The following RFX4 variants were observed in gnomAD, a reference collection of about 807,000 sequenced individuals.
RFX4 encodes regulatory factor X4.
A neutral mutation model predicts 95.0 loss-of-function variants in RFX4; 10 were observed. That is an observed-to-expected ratio of 0.11 (90% CI 0.06 to 0.18). The LOEUF (loss-of-function observed/expected upper bound fraction) is 0.18. RFX4 is among the 10% of genes least tolerant of loss of function. The pLI is 1.00. For missense variants in RFX4, 640 were observed against 922.0 expected, an observed-to-expected ratio of 0.69 and a Z score of 3.96; for synonymous variants, 321 against 340.7, an observed-to-expected ratio of 0.94 and a Z score of 0.64.
chr12:106,711,844 ATC>A, intron 10 of RFX4, among the ~76,000 whole-genome samples: 1 of 152,370 alleles, frequency 6.6e-6, no homozygotes, highest in Non-Finnish European at 1.5e-5. Context: ...TTGTTGTATC[ATC>A]TGAGTTCAAA....
chr12:106,598,328 A>T (rs2039649357), intron 1 of RFX4, among the ~76,000 whole-genome samples: 1 of 152,330 alleles, frequency 6.6e-6, no homozygotes, highest in African/African-American at 2.4e-5. Context: ...TCAAACAATG[A>T]TGAATATGAA....
intron 1 of RFX4, among the ~76,000 whole-genome samples, chr12:106,587,199 G>T (rs1284017512): frequency 1.3e-5 from 2 of 152,204 alleles, no homozygotes; most frequent in Non-Finnish European, 1.5e-5. Context: ...GGGACAGCGC[G>T]CTTTCCTACC....
At position 106,747,581 on chromosome 12, in the gene RFX4, C is replaced by G; in HGVS notation, c.1778C>G (p.Pro593Arg). ...GTCACACACAGGATACCAGTTTATCCCCACAGAGAGGAACATGGGTAGGTA... is the reference window on the plus strand; with the variant it reads ...GTCACACACAGGATACCAGTTTATCGCCACAGAGAGGAACATGGGTAGGTA... ...SSVTHRIPVY[P>R]HREEHGYTGS... The change falls in exon 16 of 18, where the codon CCC becomes CGC. Residue 593 changes from proline (P) to arginine (R), a missense_variant. Pro to Arg is a moderately radical substitution (Grantham distance 103). Coordinates refer to ENST00000392842, the MANE Select transcript of RFX4 (RefSeq NM_213594.3). 1 of 1,613,770 alleles carries G rather than the reference C, an allele frequency of 6.2e-7. No homozygotes were observed. The highest frequency in any genetic ancestry group is 1.1e-5 in the South Asian group (1 of 91,028).
At chr12:106,750,382 C>G (rs1427646893) in intron 16 of RFX4, among the ~76,000 whole-genome samples, 2 of 150,286 alleles carry the variant, frequency 1.3e-5, no homozygotes, top group Non-Finnish European at 3.0e-5. Flanking sequence ...GAGGCTGAGG[C>G]AGGAGAATCA....
At chr12:106,585,519 A>G (rs183423945) in intron 1 of RFX4, among the ~76,000 whole-genome samples, 10 of 152,310 alleles carry the variant, frequency 6.6e-5, no homozygotes, top group African/African-American at 2.4e-4. Flanking sequence ...AACCGACGAC[A>G]AGGGAAGTGC....
intron 17 of RFX4, among the ~76,000 whole-genome samples, chr12:106,756,533 T>G (rs949166576): frequency 5.9e-5 from 9 of 151,422 alleles, no homozygotes; most frequent in Non-Finnish European, 1.2e-4. Flanking sequence ...CTTAGGGCAC[T>G]GTACTTTGGG....
chr12:106,739,811 C>T (rs927108179), intron 15 of RFX4, among the ~76,000 whole-genome samples: 1 of 152,184 alleles, frequency 6.6e-6, no homozygotes, highest in Non-Finnish European at 1.5e-5. Flanking sequence ...GCTTGCTACG[C>T]TCCCTCATGA....
At chr12:106,609,856 C>T (rs2137206398) in intron 2 of RFX4, among the ~76,000 whole-genome samples, 1 of 152,248 alleles carries the variant, frequency 6.6e-6, no homozygotes, top group South Asian at 2.1e-4. Flanking sequence ...TCAATCACTA[C>T]TGTCCTGACT....
At chr12:106,653,771 C>T (rs1000410322) in intron 3 of RFX4, among the ~76,000 whole-genome samples, 1 of 152,328 alleles carries the variant, frequency 6.6e-6, no homozygotes, top group South Asian at 2.1e-4. Flanking sequence ...GACAATCCCC[C>T]TCCATAGCAT....
intron 13 of RFX4, among the ~76,000 whole-genome samples, chr12:106,731,171 T>TTGGCCCCTCTCTCTGACCC (rs1431049620): frequency 1.3e-5 from 2 of 152,200 alleles, no homozygotes; most frequent in Non-Finnish European, 2.9e-5. Context: ...AGATAAAGGC[T>TTGGCCCCTCTCTCTGACCC]TGGCCCCTCT....
At chr12:106,755,808 G>A (rs1460473783) in intron 17 of RFX4, among the ~76,000 whole-genome samples, 1 of 152,140 alleles carries the variant, frequency 6.6e-6, no homozygotes, top group African/African-American at 2.4e-5. Flanking sequence ...GTCTGAATTG[G>A]AAGACAAATT....
At chr12:106,702,651 T>C (rs937651022) in intron 8 of RFX4, among the ~76,000 whole-genome samples, 21 of 152,188 alleles carry the variant, frequency 1.4e-4, no homozygotes, top group African/African-American at 4.8e-4. Context: ...CTCTCAGTGA[T>C]CTTGACTCAT....
chr12:106,677,770 A>T (rs1404227086), intron 4 of RFX4, among the ~76,000 whole-genome samples: 3 of 152,152 alleles, frequency 2.0e-5, no homozygotes, highest in African/African-American at 7.2e-5. Context: ...GAAACCAGTT[A>T]GAAGAATGTT....
At chr12:106,705,335 G>A (rs2042063765) in intron 8 of RFX4, among the ~76,000 whole-genome samples, 1 of 152,220 alleles carries the variant, frequency 6.6e-6, no homozygotes, top group African/African-American at 2.4e-5. Context: ...GAGAAGGGCT[G>A]AAGCTGGAGC....
At chr12:106,704,338 A>G (rs747579910) in intron 8 of RFX4, among the ~76,000 whole-genome samples, 1 of 152,200 alleles carries the variant, frequency 6.6e-6, no homozygotes, top group Non-Finnish European at 1.5e-5. Context: ...CATAATTACT[A>G]CTGCAATCTT....
rs555550627 is a variant in RFX4, at chr12:106,650,115, T to C, written c.192-4113T>C. On this transcript the variant is annotated intron_variant, in intron 3 of 17. Coordinates refer to ENST00000392842, the MANE Select transcript of RFX4 (RefSeq NM_213594.3). ...CAGAGCAAACTTTCCAAAGAATGCA[T>C]TGATCATGCCACTCCCATGCTTTAA... is the stretch of plus-strand genomic sequence containing the variant. Among the ~76,000 whole-genome samples, 3 of 152,364 alleles carry C rather than the reference T, an allele frequency of 2.0e-5. No individual in the cohort carries two copies. The South Asian group carries it at 6.2e-4, about 32-fold the overall frequency.
intron 4 of RFX4, among the ~76,000 whole-genome samples, chr12:106,664,136 A>C (rs1192271065): frequency 6.6e-6 from 1 of 151,812 alleles, no homozygotes; most frequent in Non-Finnish European, 1.5e-5. Context: ...GAATTGACAA[A>C]ATTTCTTCTA....
chr12:106,706,631 A>G (rs1313670175), intron 8 of RFX4, among the ~76,000 whole-genome samples: 1 of 152,264 alleles, frequency 6.6e-6, no homozygotes, highest in Non-Finnish European at 1.5e-5. Context: ...TGAATAGATT[A>G]CATGACACTA....
intron 7 of RFX4, among the ~76,000 whole-genome samples, chr12:106,694,368 G>A (rs2041839272): frequency 6.6e-6 from 1 of 152,148 alleles, no homozygotes; most frequent in Non-Finnish European, 1.5e-5. Context: ...GGCTAGAGTC[G>A]GGGCATGGCT....
Sources: allele counts gnomAD v4.1 joint callset (sites outside exome capture counted in the v4.1 genomes callset), GRCh38; gene constraint gnomAD v4.1.1; transcripts MANE v1.5; gene names NCBI Gene and HGNC (gene_info 2026-07-23, HGNC 2026-07-21).